Variants in GYS2 observed in about 807,000 individuals in gnomAD.
GYS2 encodes glycogen [starch] synthase, liver.
Under a neutral mutation model 85.6 loss-of-function variants are expected in GYS2, and 80 were observed. The observed-to-expected ratio is 0.93, with a 90% CI of 0.78 to 1.13. The LOEUF (loss-of-function observed/expected upper bound fraction) is 1.13, where lower values mean the gene tolerates loss of function less well. Ranked by LOEUF, GYS2 falls within the 50% of genes most tolerant of loss-of-function variation. GYS2 has a pLI of 0.00. For missense variants in GYS2, 881 were observed against 854.9 expected, an observed-to-expected ratio of 1.03 and a Z score of -0.38; for synonymous variants, 328 against 300.7, an observed-to-expected ratio of 1.09 and a Z score of -0.94.
Position 21,536,987 on chromosome 12 carries a change from C to T in GYS2, c.2079G>A (p.Gly693=), listed in dbSNP as rs1231384358. The T allele has an allele frequency of 6.2e-7, 1 of 1,613,644 alleles. No individual in the cohort carries two copies. Among genetic ancestry groups the T allele is most frequent in the South Asian group, 1.1e-5 (1 of 91,076 alleles). ...TATATTCACCATGCAGCTTTTTCTT[C>T]CCATGAGGAACGTGGCTCAGTGAAA... ...SPFSLSHVPH[G]KKKLHGEYKN is the part of the protein sequence containing the mutation. Residue 693 remains glycine (G), a synonymous_variant, in exon 16 of 16, where the codon GGG becomes GGA. Coordinates refer to ENST00000261195, the MANE Select transcript of GYS2 (RefSeq NM_021957.4).
chr12:21,562,813 G>T, intron 7 of GYS2, 105 bp downstream of exon 7: 1 of 1,220,316 alleles, frequency 8.2e-7, no homozygotes, highest in Non-Finnish European at 1.2e-6. Context: ...TACGATTATC[G>T]TTTATTCTCT....
intron 4 of GYS2, among the ~76,000 whole-genome samples, chr12:21,569,686 C>T (rs761000330): frequency 2.6e-5 from 4 of 152,172 alleles, no homozygotes; most frequent in African/African-American, 4.8e-5. Flanking sequence ...TAGTGTCTCA[C>T]GCAGCTCCAT....
intron 13 of GYS2, among the ~76,000 whole-genome samples, chr12:21,540,923 C>T (rs1012905709): frequency 2.6e-5 from 4 of 151,974 alleles, no homozygotes; most frequent in African/African-American, 4.8e-5. Context: ...ACTGTTCAGC[C>T]GAGGCTGAAA....
chr12:21,588,465 A>G (rs1261053701), intron 1 of GYS2, among the ~76,000 whole-genome samples: 1 of 152,234 alleles, frequency 6.6e-6, no homozygotes, highest in Non-Finnish European at 1.5e-5. Context: ...TACCAATAGG[A>G]TTCATTAATT....
chr12:21,602,290 G>C (rs902140442), intron 1 of GYS2, among the ~76,000 whole-genome samples: 3 of 152,000 alleles, frequency 2.0e-5, no homozygotes, highest in African/African-American at 7.2e-5. Context: ...ATTGGCCTTG[G>C]AAAAGACCTA....
intron 15 of GYS2, 62 bp downstream of exon 15, chr12:21,539,196 T>A: frequency 1.1e-6 from 1 of 921,660 alleles, no homozygotes; most frequent in Non-Finnish European, 1.8e-6. Context: ...CAAATTTAAA[T>A]GTATTATTTA....
chr12:21,550,237 A>T (rs1591783027), intron 11 of GYS2, among the ~76,000 whole-genome samples: 2 of 152,076 alleles, frequency 1.3e-5, no homozygotes, highest in East Asian at 1.9e-4. Flanking sequence ...GGCATTTAGC[A>T]ATCAAGACGT....
chr12:21,558,046 T>G (rs557604599), intron 11 of GYS2, among the ~76,000 whole-genome samples, 154 bp downstream of exon 11: 3 of 152,228 alleles, frequency 2.0e-5, no homozygotes, highest in Non-Finnish European at 2.9e-5. Flanking sequence ...TTCATTATAC[T>G]TTAGTTATCC....
At chr12:21,594,544 A>G (rs189855950) in intron 1 of GYS2, among the ~76,000 whole-genome samples, 6 of 152,152 alleles carry the variant, frequency 3.9e-5, no homozygotes, top group Non-Finnish European at 4.4e-5. Flanking sequence ...TAACCAAGGA[A>G]CCGAAAAACC....
intron 4 of GYS2, among the ~76,000 whole-genome samples, chr12:21,571,168 T>G (rs1248499859): frequency 6.6e-6 from 1 of 152,216 alleles, no homozygotes; most frequent in African/African-American, 2.4e-5. Context: ...GTGAGAGGCC[T>G]TGGGGAAGTC....
chr12:21,600,870 A>G (rs1944748963), intron 1 of GYS2, among the ~76,000 whole-genome samples: 1 of 152,080 alleles, frequency 6.6e-6, no homozygotes, highest in Admixed American at 6.6e-5. Flanking sequence ...TCCCTGTGCC[A>G]CTTGTACCAT....
chr12:21,556,620 A>G (rs10841848), intron 11 of GYS2, among the ~76,000 whole-genome samples: 110,037 of 151,936 alleles, frequency 0.72, 40,389 homozygotes, highest in South Asian at 0.79. Flanking sequence ...TATATCTCAC[A>G]TGTAACTCAA....
chr12:21,573,604 T>C (rs1174480298), intron 4 of GYS2, among the ~76,000 whole-genome samples: 1 of 152,176 alleles, frequency 6.6e-6, no homozygotes, highest in Non-Finnish European at 1.5e-5. Context: ...TTGCAATAAC[T>C]TCTGTTTTAC....
intron 11 of GYS2, among the ~76,000 whole-genome samples, chr12:21,556,286 T>C (rs1188224401): frequency 6.6e-6 from 1 of 152,118 alleles, no homozygotes; most frequent in Non-Finnish European, 1.5e-5. Context: ...CTCCCACTTA[T>C]GCCTCCCTAG....
chr12:21,558,900 T>C (rs1477954048), intron 10 of GYS2, among the ~76,000 whole-genome samples, 191 bp downstream of exon 10: 1 of 152,118 alleles, frequency 6.6e-6, no homozygotes, highest in African/African-American at 2.4e-5. Context: ...TTTCATGAGA[T>C]GTTTTAAAGG....
chr12:21,585,806 T>A (rs566217294), intron 1 of GYS2, among the ~76,000 whole-genome samples: 8 of 152,248 alleles, frequency 5.3e-5, no homozygotes, highest in Non-Finnish European at 1.2e-4. Flanking sequence ...TCATGTGACA[T>A]AAGATTTATT....
At chr12:21,593,100 A>G (rs1477917498) in intron 1 of GYS2, among the ~76,000 whole-genome samples, 3 of 152,028 alleles carry the variant, frequency 2.0e-5, no homozygotes, top group South Asian at 2.1e-4. Flanking sequence ...TTGAAATACA[A>G]CATAGGAAAA....
chr12:21,538,627 C>A (rs948529782), intron 15 of GYS2, among the ~76,000 whole-genome samples: 2 of 152,064 alleles, frequency 1.3e-5, no homozygotes, highest in African/African-American at 4.8e-5. Context: ...TGTAGGCGGC[C>A]AAAGATGTTT....
chr12:21,574,747 A>T (rs1334902577), intron 3 of GYS2, among the ~76,000 whole-genome samples: 1 of 151,826 alleles, frequency 6.6e-6, no homozygotes, highest in African/African-American at 2.4e-5. Context: ...AACTACTTAA[A>T]TTTTTTTTAA....
Sources: allele counts gnomAD v4.1 joint callset (sites outside exome capture counted in the v4.1 genomes callset), GRCh38; gene constraint gnomAD v4.1.1; transcripts MANE v1.5; gene names NCBI Gene and HGNC (gene_info 2026-07-23, HGNC 2026-07-21).